The following TMEM232 variants were observed in gnomAD, a reference collection of about 807,000 sequenced individuals.
TMEM232 encodes the protein transmembrane protein 232.
TMEM232 carries 80 observed loss-of-function variants against 78.8 expected under a neutral mutation model. The ratio of observed to expected loss-of-function variants is 1.01; its 90% confidence interval spans 0.85 to 1.22. The LOEUF is 1.22. TMEM232 is among the 50% of genes most tolerant of loss of function. The pLI, the probability that TMEM232 is intolerant of heterozygous loss-of-function variation, is 0.00. For missense variants in TMEM232, 881 were observed against 742.2 expected (o/e 1.19, Z -2.17); for synonymous variants, 297 against 254.3 (o/e 1.17, Z -1.60).
At chr5:110,507,110 C>T (rs73784782) in intron 12 of TMEM232, among the ~76,000 whole-genome samples, 6,370 of 152,062 alleles carry the variant, frequency 0.042, 213 homozygotes, top group African/African-American at 0.091. Flanking sequence ...ATTTCTAGCA[C>T]GCAGAATTTA....
At chr5:110,424,705 A>G (rs1275527535) in intron 13 of TMEM232, 118 bp downstream of exon 13, 3 of 804,080 alleles carry the variant, frequency 3.7e-6, no homozygotes, top group Non-Finnish European at 5.8e-6. Context: ...CAAACCAATC[A>G]TGGCTCTACT....
chr5:110,604,942 T>C (rs756912042), intron 10 of TMEM232, among the ~76,000 whole-genome samples, 167 bp downstream of exon 10: 2 of 152,044 alleles, frequency 1.3e-5, no homozygotes, highest in Non-Finnish European at 2.9e-5. Context: ...GGTGACAGAG[T>C]GACACCTGGC....
At chr5:110,497,920 T>C (rs945359331) in intron 12 of TMEM232, among the ~76,000 whole-genome samples, 12 of 152,184 alleles carry the variant, frequency 7.9e-5, no homozygotes, top group African/African-American at 2.9e-4. Flanking sequence ...AATCTAATTC[T>C]ATGTCACTCA....
rs79216529 is a variant in TMEM232 at position 110,672,681 on chromosome 5, C to T, written c.-12-5317G>A. Among the ~76,000 whole-genome samples, 25 of 152,140 alleles carry T rather than the reference C, an allele frequency of 1.6e-4. No individual in the cohort carries two copies. In the East Asian group the frequency reaches 4.8e-3, roughly 29 times the overall value. Reference sequence around the variant, plus strand: ...AAAAGGTTCAAAATAATCCTCCCTCCCCCAAAAATAAACATAGAGAATCTG... The same window carrying T: ...AAAAGGTTCAAAATAATCCTCCCTCTCCCAAAAATAAACATAGAGAATCTG... On this transcript the variant is annotated intron_variant, in intron 1 of 13. Coordinates refer to ENST00000455884, the MANE Select transcript of TMEM232 (RefSeq NM_001039763.4).
intron 12 of TMEM232, among the ~76,000 whole-genome samples, chr5:110,473,843 A>G (rs1762942657): frequency 6.8e-6 from 1 of 147,074 alleles, no homozygotes; most frequent in Non-Finnish European, 1.5e-5. Flanking sequence ...ATGCAATAAC[A>G]TAGATAAACC....
chr5:110,476,422 C>T (rs1266826403), intron 12 of TMEM232, among the ~76,000 whole-genome samples: 2 of 151,908 alleles, frequency 1.3e-5, no homozygotes, highest in African/African-American at 4.8e-5. Flanking sequence ...GAAAACAAAC[C>T]TGCCAACCCC....
At chr5:110,455,535 G>T (rs1014131196) in intron 12 of TMEM232, among the ~76,000 whole-genome samples, 1 of 151,534 alleles carries the variant, frequency 6.6e-6, no homozygotes. Flanking sequence ...CCGCCACCAC[G>T]CCCGGCTAAT....
intron 13 of TMEM232, 56 bp downstream of exon 13, chr5:110,424,767 A>T: frequency 7.6e-7 from 1 of 1,317,120 alleles, no homozygotes; most frequent in Non-Finnish European, 1.1e-6. Context: ...TTTATCATTT[A>T]AAGTGCTTTT....
intron 2 of TMEM232, among the ~76,000 whole-genome samples, chr5:110,648,927 A>G (rs1351501146): frequency 6.6e-6 from 1 of 151,990 alleles, no homozygotes; most frequent in African/African-American, 2.4e-5. Flanking sequence ...ACTAGCTCCC[A>G]TTTCTGTTCT....
At chr5:110,512,665 A>G (rs1767954560) in intron 12 of TMEM232, among the ~76,000 whole-genome samples, 1 of 152,214 alleles carries the variant, frequency 6.6e-6, no homozygotes, top group African/African-American at 2.4e-5. Flanking sequence ...CTAATTAAGC[A>G]GTTAATGCAT....
At chr5:110,486,173 T>C (rs1764445309) in intron 12 of TMEM232, among the ~76,000 whole-genome samples, 1 of 152,008 alleles carries the variant, frequency 6.6e-6, no homozygotes, top group East Asian at 1.9e-4. Flanking sequence ...GGGAGGTTTT[T>C]TTTTTTCCAT....
At position 110,642,366 on chromosome 5, in the gene TMEM232, G is replaced by A; in HGVS notation, c.131C>T (p.Thr44Ile). ...SGERGHKSRP[T>I]FSITKEFILR... ...GATGAATTCTTTTGTGATTGAAAAT[G>A]TTGGCCTAAATAAAACATTGAAAAA... is the stretch of plus-strand genomic sequence containing the variant. Residue 44 changes from threonine to isoleucine, a missense_variant, in exon 3 of 14, where the codon ACA becomes ATA. Thr to Ile is a moderately conservative substitution (Grantham distance 89). Coordinates refer to ENST00000455884, the MANE Select transcript of TMEM232 (RefSeq NM_001039763.4). The A allele has an allele frequency of 6.6e-7, 1 of 1,506,662 alleles. No homozygotes were observed. The highest frequency in any genetic ancestry group is 8.8e-7 in the Non-Finnish European group (1 of 1,130,070). The allele number at this position is 1,506,662 out of a possible 1,614,324, so 93.3% of individuals were successfully genotyped here. A position where few individuals can be genotyped will look rare whatever the true frequency, so the allele number is the denominator to read the frequency against.
intron 10 of TMEM232, among the ~76,000 whole-genome samples, chr5:110,595,120 C>A (rs1051074009): frequency 2.0e-5 from 3 of 152,174 alleles, no homozygotes; most frequent in Non-Finnish European, 2.9e-5. Context: ...GCTGGTGATA[C>A]CCAGGCATAC....
chr5:110,447,415 TACACAAATGTATAGAGAGGGACACGA>T (rs1759787679), intron 12 of TMEM232, among the ~76,000 whole-genome samples: 1 of 152,092 alleles, frequency 6.6e-6, no homozygotes, highest in African/African-American at 2.4e-5. Context: ...CTTCGACTAG[TACACAAATGTATAGAGAGGGACACGA>T]GCACAATTTG....
chr5:110,397,724 C>G (rs1228712260), intron 3 of TMEM232: 1 of 152,508 alleles, frequency 6.6e-6, no homozygotes, highest in Non-Finnish European at 1.5e-5. Context: ...TCTGTTCTTT[C>G]TGTTAAAGTA....
chr5:110,570,880 A>C (rs1372779944), intron 10 of TMEM232, among the ~76,000 whole-genome samples: 1 of 151,972 alleles, frequency 6.6e-6, no homozygotes, highest in Non-Finnish European at 1.5e-5. Flanking sequence ...ATATGACATC[A>C]TTTTGGAACA....
At chr5:110,548,173 T>C (rs1375846346) in intron 11 of TMEM232, among the ~76,000 whole-genome samples, 5 of 151,264 alleles carry the variant, frequency 3.3e-5, no homozygotes, top group African/African-American at 1.2e-4. Flanking sequence ...GAAAGAAACT[T>C]TTAAATATGT....
intron 2 of TMEM232, among the ~76,000 whole-genome samples, chr5:110,655,011 A>G (rs1218998275): frequency 6.6e-6 from 1 of 152,186 alleles, no homozygotes; most frequent in Non-Finnish European, 1.5e-5. Flanking sequence ...CTTCATGTCT[A>G]AAACACCAAA....
chr5:110,641,256 T>C (rs1786661585), intron 3 of TMEM232, among the ~76,000 whole-genome samples: 1 of 152,200 alleles, frequency 6.6e-6, no homozygotes. Flanking sequence ...ATTCTCATTT[T>C]TTACTTTCTA....
Sources: gnomAD v4.1 joint callset for allele counts (sites outside exome capture counted in the v4.1 genomes callset) on GRCh38, gnomAD v4.1.1 for gene constraint, MANE v1.5 for transcripts, NCBI Gene and HGNC (gene_info 2026-07-23, HGNC 2026-07-21) for gene names.